ENPP6: variants seen among roughly 807,000 people sequenced by gnomAD.
The protein encoded by ENPP6 is glycerophosphocholine cholinephosphodiesterase ENPP6.
Under a neutral mutation model 42.0 loss-of-function variants are expected in ENPP6, and 32 were observed. That is an observed-to-expected ratio of 0.76 (90% CI 0.58 to 1.02). ENPP6 has a LOEUF of 1.02. Among genes scored for constraint, ENPP6 ranks in the 50% least tolerant of loss-of-function variants. The pLI is 0.00. For synonymous variants in ENPP6, 213 were observed against 216.0 expected (o/e 0.99, Z 0.12); for missense variants, 552 against 566.8 (o/e 0.97, Z 0.27).
chr4:184,205,464 C>T (rs1222212831), intron 1 of ENPP6, among the ~76,000 whole-genome samples: 1 of 152,216 alleles, frequency 6.6e-6, no homozygotes, highest in Non-Finnish European at 1.5e-5. Flanking sequence ...CAAGCACGCC[C>T]AGCGGGACAC....
chr4:184,165,874 G>T (rs1487802509), intron 1 of ENPP6, among the ~76,000 whole-genome samples: 1 of 152,194 alleles, frequency 6.6e-6, no homozygotes, highest in Non-Finnish European at 1.5e-5. Context: ...GCCAGAAAAT[G>T]TTAAATAAGT....
chr4:184,100,031 A>G (rs149973159), intron 6 of ENPP6, among the ~76,000 whole-genome samples: 1,542 of 152,374 alleles, frequency 0.01, 33 homozygotes, highest in African/African-American at 0.035. Context: ...CCTAGATTCC[A>G]CAAATAAACA....
intron 1 of ENPP6, among the ~76,000 whole-genome samples, chr4:184,186,195 G>A (rs1177332246): frequency 6.6e-6 from 1 of 152,094 alleles, no homozygotes; most frequent in Admixed American, 6.5e-5. Context: ...AAAACTTGAG[G>A]AATAGCCATA....
At chr4:184,102,369 T>G (rs1341371824) in intron 6 of ENPP6, among the ~76,000 whole-genome samples, 3 of 152,200 alleles carry the variant, frequency 2.0e-5, no homozygotes, top group Non-Finnish European at 1.5e-5. Context: ...TGTTTATTAT[T>G]TGCCGCTTCA....
chr4:184,211,677 C>T (rs1376119479), intron 1 of ENPP6, among the ~76,000 whole-genome samples: 1 of 151,672 alleles, frequency 6.6e-6, no homozygotes, highest in African/African-American at 2.4e-5. Context: ...GAACTGGTAC[C>T]ATTCCTTCTG....
At chr4:184,197,607 T>G (rs757868259) in intron 1 of ENPP6, among the ~76,000 whole-genome samples, 17 of 152,226 alleles carry the variant, frequency 1.1e-4, no homozygotes, top group Non-Finnish European at 2.2e-4. Flanking sequence ...TCCTGCACAA[T>G]AACACAAATG....
At chr4:184,190,536 T>G (rs149983238) in intron 1 of ENPP6, among the ~76,000 whole-genome samples, 102 of 152,256 alleles carry the variant, frequency 6.7e-4, no homozygotes, top group Middle Eastern at 6.8e-3. Context: ...GGAGTGGAAA[T>G]GAGATGGGGA....
At chr4:184,155,038 G>T (rs1737135475) in intron 1 of ENPP6, among the ~76,000 whole-genome samples, 1 of 152,054 alleles carries the variant, frequency 6.6e-6, no homozygotes, top group Non-Finnish European at 1.5e-5. Flanking sequence ...CTCAACAGAG[G>T]GTCCTCTGTG....
At chr4:184,182,444 T>C (rs1732568422) in intron 1 of ENPP6, among the ~76,000 whole-genome samples, 1 of 152,296 alleles carries the variant, frequency 6.6e-6, no homozygotes, top group African/African-American at 2.4e-5. Context: ...TCATGGAAGA[T>C]AGTGTGGCGA....
chr4:184,132,526 A>G (rs1319505417), intron 2 of ENPP6, among the ~76,000 whole-genome samples: 1 of 152,038 alleles, frequency 6.6e-6, no homozygotes, highest in Non-Finnish European at 1.5e-5. Context: ...AGAAGCTTCT[A>G]ATTTTAATGA....
At chr4:184,144,705 G>A (rs923429183) in intron 2 of ENPP6, among the ~76,000 whole-genome samples, 13 of 152,192 alleles carry the variant, frequency 8.5e-5, no homozygotes, top group African/African-American at 2.7e-4. Flanking sequence ...GGCACTCTCC[G>A]TGGGAAGGAA....
At chr4:184,093,827 G>A (rs891531328) in intron 7 of ENPP6, among the ~76,000 whole-genome samples, 1 of 152,104 alleles carries the variant, frequency 6.6e-6, no homozygotes, top group Non-Finnish European at 1.5e-5. Context: ...CAGTGGAATG[G>A]TTGTTCCAGC....
Position 184,217,738 on chromosome 4 carries a change from C to CCAG in ENPP6, c.79_81dup (p.Leu27dup). The CCAG allele has an allele frequency of 2.5e-6, 4 of 1,614,210 alleles. No individual in the cohort carries two copies. Among genetic ancestry groups the CCAG allele is most frequent in the Non-Finnish European group, 3.4e-6 (4 of 1,180,044 alleles). ...GAGCGAAAACCATCCAGCAGAAACACCAGCAGCTTCCGGCGGGCAGAGGCT... is the reference window on the plus strand; with the variant it reads ...GAGCGAAAACCATCCAGCAGAAACACCAGCAGCAGCTTCCGGCGGGCAGAGGCT... On this transcript the variant is annotated inframe_insertion, in exon 1 of 8. Coordinates refer to ENST00000296741, the MANE Select transcript of ENPP6 (RefSeq NM_153343.4).
At chr4:184,207,075 C>T (rs1012300406) in intron 1 of ENPP6, among the ~76,000 whole-genome samples, 3 of 152,236 alleles carry the variant, frequency 2.0e-5, no homozygotes, top group African/African-American at 7.2e-5. Flanking sequence ...AGCTCTGCCA[C>T]GACGTTCTTT....
intron 1 of ENPP6, among the ~76,000 whole-genome samples, chr4:184,168,008 A>C (rs555301284): frequency 2.0e-5 from 3 of 152,206 alleles, no homozygotes; most frequent in African/African-American, 7.2e-5. Flanking sequence ...ACTCCACGGG[A>C]ATAGGGGAGA....
At chr4:184,105,295 G>A (rs1377485476) in intron 6 of ENPP6, among the ~76,000 whole-genome samples, 3 of 152,128 alleles carry the variant, frequency 2.0e-5, no homozygotes, top group South Asian at 2.1e-4. Flanking sequence ...AGTATGACAC[G>A]AGCAAGAAAA....
chr4:184,155,751 A>T (rs1324479775), intron 1 of ENPP6, among the ~76,000 whole-genome samples: 1 of 152,254 alleles, frequency 6.6e-6, no homozygotes, highest in Non-Finnish European at 1.5e-5. Context: ...GCTGCATACA[A>T]GGAAGCATGA....
chr4:184,116,979 G>T lies in ENPP6; in HGVS notation c.732C>A (p.Thr244=). Residue 244 remains threonine, a synonymous_variant, in exon 5 of 8, where the codon ACC becomes ACA. Transcript: ENST00000296741. ...NVIIFSDHGM[T]DIFWMDKVIE... The stretch of plus-strand genomic sequence containing the variant: ...TCACTTTGTCCATCCAGAAAATGTC[G>T]GTCATTCCGTGATCCGAGAAAATAA... The T allele has an allele frequency of 1.9e-6, 3 of 1,614,106 alleles. No individual in the cohort carries two copies. Among genetic ancestry groups the T allele is most frequent in the Non-Finnish European group, 2.5e-6 (3 of 1,180,032 alleles).
intron 6 of ENPP6, among the ~76,000 whole-genome samples, chr4:184,104,814 A>G (rs1374086207): frequency 6.6e-6 from 1 of 152,252 alleles, no homozygotes; most frequent in East Asian, 1.9e-4. Context: ...TCTACTGTGT[A>G]CAAGTTCTAT....
Sources: allele counts gnomAD v4.1 joint callset (sites outside exome capture counted in the v4.1 genomes callset), GRCh38; gene constraint gnomAD v4.1.1; transcripts MANE v1.5; gene names NCBI Gene and HGNC (gene_info 2026-07-23, HGNC 2026-07-21).